Variants in RANBP2 observed in about 807,000 individuals in gnomAD.
RANBP2 encodes E3 SUMO-protein ligase RanBP2.
A neutral mutation model predicts 303.6 loss-of-function variants in RANBP2; 57 were observed. The observed-to-expected ratio is 0.19, with a 90% CI of 0.15 to 0.23. The LOEUF (loss-of-function observed/expected upper bound fraction) is 0.23. RANBP2 is among the 10% of genes least tolerant of loss of function. RANBP2 has a pLI of 1.00. For missense variants in RANBP2, 3,138 were observed against 3,780.8 expected (o/e 0.83, Z 4.46); for synonymous variants, 1,167 against 1,301.5 (o/e 0.90, Z 2.23).
the RANBP2 span, among the ~76,000 whole-genome samples, chr2:109,629,978 A>G: frequency 2.6e-5 from 4 of 152,150 alleles, no homozygotes; most frequent in Admixed American, 2.6e-4. Flanking sequence ...TCTGCCCTGA[A>G]GGGACTCACA....
the RANBP2 span, among the ~76,000 whole-genome samples, chr2:109,347,364 G>A: frequency 6.6e-6 from 1 of 152,132 alleles, no homozygotes; most frequent in Non-Finnish European, 1.5e-5. Context: ...ATCTGTAAAT[G>A]AAGACAAGCC....
the RANBP2 span, among the ~76,000 whole-genome samples, chr2:109,450,846 G>T: frequency 6.6e-6 from 1 of 152,238 alleles, no homozygotes; most frequent in Non-Finnish European, 1.5e-5. Flanking sequence ...CTCTTGGCTT[G>T]ACTGATTCTG....
the RANBP2 span, among the ~76,000 whole-genome samples, chr2:109,337,468 A>G: frequency 6.6e-6 from 1 of 152,154 alleles, no homozygotes; most frequent in African/African-American, 2.4e-5. Flanking sequence ...GTTTTCCTCA[A>G]ATGGTGATAA....
chr2:108,987,240 T>C, the RANBP2 span, among the ~76,000 whole-genome samples: 12 of 152,260 alleles, frequency 7.9e-5, no homozygotes, highest in African/African-American at 2.4e-4. Context: ...ACGCACTCAC[T>C]TGGACCCAGA....
At chr2:109,537,649 C>A in the RANBP2 span, among the ~76,000 whole-genome samples, 1 of 151,900 alleles carries the variant, frequency 6.6e-6, no homozygotes, top group Non-Finnish European at 1.5e-5. Flanking sequence ...TAAAGTAATA[C>A]AAATGTTTAG....
At chr2:108,911,059 T>C in the RANBP2 span, 95 of 1,614,058 alleles carry the variant, frequency 5.9e-5, no homozygotes, top group Non-Finnish European at 8.1e-5. Context: ...CCAGGTGTCC[T>C]TGGCCTGAGA....
At chr2:109,012,362 C>T in the RANBP2 span, among the ~76,000 whole-genome samples, 3 of 152,168 alleles carry the variant, frequency 2.0e-5, no homozygotes, top group Non-Finnish European at 4.4e-5. Context: ...TGATTCCCAG[C>T]GGTGGCTCTG....
chr2:109,443,419 A>G, the RANBP2 span, among the ~76,000 whole-genome samples: 4 of 152,238 alleles, frequency 2.6e-5, no homozygotes, highest in African/African-American at 9.6e-5. Context: ...AGCTGGGAAT[A>G]TGAGTGTCAG....
chr2:109,078,185 A>G, the RANBP2 span, among the ~76,000 whole-genome samples: 15 of 40,854 alleles, frequency 3.7e-4, 1 homozygote, highest in Non-Finnish European at 8.4e-4. Flanking sequence ...TATATATAGC[A>G]TATATATATA....
At chr2:109,458,533 T>A in the RANBP2 span, among the ~76,000 whole-genome samples, 1 of 138,492 alleles carries the variant, frequency 7.2e-6, no homozygotes, top group South Asian at 2.3e-4. Context: ...TTGGTTTGTA[T>A]CAGTCAGGGA....
chr2:108,750,304 A>C (rs1240033041), intron 9 of RANBP2, among the ~76,000 whole-genome samples: 1 of 152,214 alleles, frequency 6.6e-6, no homozygotes, highest in African/African-American at 2.4e-5. Context: ...TTGGCAATAT[A>C]ATCTTTTTTA....
At chr2:109,344,034 A>C in the RANBP2 span, among the ~76,000 whole-genome samples, 45,779 of 152,062 alleles carry the variant, frequency 0.3, 7,874 homozygotes, top group East Asian at 0.59. Flanking sequence ...GTGAGCCACC[A>C]TACCCGTCCC....
At position 108,781,381 on chromosome 2, in the gene RANBP2, A is replaced by ACTT. The variant is rs1678246709; in HGVS notation, c.8712_8713insCTT (p.Val2904_Val2905insLeu). On this transcript the variant is annotated inframe_insertion, in exon 26 of 29. Transcript: ENST00000283195. ...ATGAAGATGGTAGTGATGAAGAAGTAGTTCATAATGAAGATATCCATTTTG... is the reference window on the plus strand; with the variant it reads ...ATGAAGATGGTAGTGATGAAGAAGTACTTGTTCATAATGAAGATATCCATTTTG... The ACTT allele has an allele frequency of 6.2e-7, 1 of 1,614,082 alleles. No homozygotes were observed. Among genetic ancestry groups the ACTT allele is most frequent in the African/African-American group, 1.3e-5 (1 of 74,958 alleles).
chr2:109,128,785 A>T, the RANBP2 span: 4 of 195,560 alleles, frequency 2.0e-5, no homozygotes, highest in Non-Finnish European at 4.3e-5. Flanking sequence ...TCTGAGGCTC[A>T]CGAAAAGCCG....
chr2:109,462,270 G>C, the RANBP2 span, among the ~76,000 whole-genome samples: 1 of 151,366 alleles, frequency 6.6e-6, no homozygotes, highest in Non-Finnish European at 1.5e-5. Context: ...ATCTACCCCT[G>C]AGTTTCATTG....
At chr2:109,461,098 C>T in the RANBP2 span, among the ~76,000 whole-genome samples, 1 of 152,248 alleles carries the variant, frequency 6.6e-6, no homozygotes, top group Non-Finnish European at 1.5e-5. Context: ...CATTTTAGGC[C>T]ACTTCCTCAT....
At chr2:108,822,215 G>C in the RANBP2 span, among the ~76,000 whole-genome samples, 1 of 152,060 alleles carries the variant, frequency 6.6e-6, no homozygotes, top group Admixed American at 6.5e-5. Context: ...AGAGACAAAG[G>C]ACACTATATA....
chr2:109,072,111 T>C, the RANBP2 span, among the ~76,000 whole-genome samples: 124 of 152,244 alleles, frequency 8.1e-4, no homozygotes, highest in Non-Finnish European at 1.4e-3. Flanking sequence ...CCCCTGTCTA[T>C]ATATGCAATG....
At chr2:109,223,700 A>G in the RANBP2 span, among the ~76,000 whole-genome samples, 112,220 of 152,110 alleles carry the variant, frequency 0.74, 41,954 homozygotes, top group East Asian at 0.89. Flanking sequence ...ATGCTGCCCC[A>G]ACGTGGAGAT....
Sources: gnomAD v4.1 joint callset for allele counts (sites outside exome capture counted in the v4.1 genomes callset) on GRCh38, gnomAD v4.1.1 for gene constraint, MANE v1.5 for transcripts, NCBI Gene and HGNC (gene_info 2026-07-23, HGNC 2026-07-21) for gene names.